Variants in GYS2 observed in about 807,000 individuals in gnomAD.
GYS2 encodes glycogen synthase 2, also known as glycogen [starch] synthase, liver.
A neutral mutation model predicts 85.6 loss-of-function variants in GYS2; 80 were observed. The ratio of observed to expected loss-of-function variants is 0.93; its 90% CI spans 0.78 to 1.13. The LOEUF is 1.13. Ranked by LOEUF, GYS2 falls within the 50% of genes most tolerant of loss-of-function variation. GYS2 has a pLI of 0.00. For missense variants in GYS2, 881 were observed against 854.9 expected (o/e 1.03, Z -0.38); for synonymous variants, 328 against 300.7 (o/e 1.09, Z -0.94).
chr12:21,569,695 A>G (rs894494797), intron 4 of GYS2, among the ~76,000 whole-genome samples: 5 of 152,244 alleles, frequency 3.3e-5, no homozygotes, highest in Non-Finnish European at 7.3e-5. Flanking sequence ...ACGCAGCTCC[A>G]TATGAAACTA....
chr12:21,593,939 G>T (rs1289876228), intron 1 of GYS2, among the ~76,000 whole-genome samples: 1 of 151,944 alleles, frequency 6.6e-6, no homozygotes, highest in African/African-American at 2.4e-5. Context: ...TTATACTAGG[G>T]TTGCAAGAAC....
intron 1 of GYS2, among the ~76,000 whole-genome samples, chr12:21,590,977 G>GA (rs1395999953): frequency 3.9e-5 from 6 of 151,954 alleles, no homozygotes; most frequent in African/African-American, 1.5e-4. Flanking sequence ...TACATCTTCA[G>GA]AAAAAAGTCT....
In GYS2 at chr12:21,562,935, G is replaced by T. The variant is rs1300914093; in HGVS notation, c.1045C>A (p.Leu349Ile). Reference sequence around the variant, plus strand: ...TTTCTTACCCTCAGCAGGAAATTTAGCCTGGATAAGGATTCTAGGAAGATG... The same window carrying T: ...TTTCTTACCCTCAGCAGGAAATTTATCCTGGATAAGGATTCTAGGAAGATG... ...ADIFLESLSR[L>I]NFLLRMHKSD... The change falls in exon 7 of 16, where the codon CTA becomes ATA. Residue 349 changes from leucine (L) to isoleucine (I), a missense_variant. Coordinates refer to ENST00000261195, the MANE Select transcript of GYS2 (RefSeq NM_021957.4). 39 of 1,610,616 alleles carry T rather than the reference G, an allele frequency of 2.4e-5. No individual in the cohort carries two copies. Among genetic ancestry groups the T allele is most frequent in the Non-Finnish European group, 3.1e-5 (36 of 1,177,102 alleles).
chr12:21,568,375 C>G (rs974005504), intron 5 of GYS2, among the ~76,000 whole-genome samples: 1 of 152,144 alleles, frequency 6.6e-6, no homozygotes, highest in African/African-American at 2.4e-5. Flanking sequence ...AGCATGAGTT[C>G]TTCACATTGC....
chr12:21,563,285 T>C lies in GYS2; in HGVS notation c.884A>G (p.Asn295Ser), dbSNP rs145848121. 26 of 1,613,196 alleles carry C rather than the reference T, an allele frequency of 1.6e-5. No individual in the cohort carries two copies. Among genetic ancestry groups the C allele is most frequent in the South Asian group, 2.2e-5 (2 of 91,066 alleles). Reference sequence around the variant, plus strand: ...TCTGGCCTTGTACATGGCATGTAGATTTTGAAACTCATGCACTGCTGAAAA... The same window carrying C: ...TCTGGCCTTGTACATGGCATGTAGACTTTGAAACTCATGCACTGCTGAAAA... ...KKFSAVHEFQ[N>S]LHAMYKARIQ... Residue 295 changes from asparagine (N) to serine (S), a missense_variant, in exon 6 of 16, where the codon AAT becomes AGT. By Grantham distance (46) the Asn-to-Ser change is conservative (BLOSUM62 1). Coordinates refer to ENST00000261195, the MANE Select transcript of GYS2 (RefSeq NM_021957.4).
intron 14 of GYS2, 111 bp from the exon 15 acceptor site, chr12:21,539,449 A>C: frequency 1.3e-6 from 1 of 745,658 alleles, no homozygotes. Flanking sequence ...GTATTTTTTA[A>C]AGTGACAGAA....
intron 11 of GYS2, among the ~76,000 whole-genome samples, chr12:21,557,782 C>T (rs1258377826): frequency 6.6e-6 from 1 of 152,034 alleles, no homozygotes; most frequent in Non-Finnish European, 1.5e-5. Flanking sequence ...GCCTGTAGTC[C>T]CAGCTACTCG....
At chr12:21,555,374 C>T (rs1301680566) in intron 11 of GYS2, among the ~76,000 whole-genome samples, 3 of 151,918 alleles carry the variant, frequency 2.0e-5, no homozygotes, top group Non-Finnish European at 4.4e-5. Context: ...TCCTGCATTC[C>T]CAGGGATGTA....
At chr12:21,556,117 A>G (rs1347395306) in intron 11 of GYS2, among the ~76,000 whole-genome samples, 1 of 152,008 alleles carries the variant, frequency 6.6e-6, no homozygotes, top group Non-Finnish European at 1.5e-5. Context: ...TTTCTCTTAA[A>G]TCTTGAAGTT....
At chr12:21,557,409 G>A (rs571793120) in intron 11 of GYS2, among the ~76,000 whole-genome samples, 3 of 152,188 alleles carry the variant, frequency 2.0e-5, no homozygotes, top group Non-Finnish European at 2.9e-5. Flanking sequence ...AGTCATTGTG[G>A]AAACTCAAGT....
Position 21,603,543 on chromosome 12 carries a change from G to A in GYS2, c.121+929C>T, listed in dbSNP as rs1944775815. On this transcript the variant is annotated intron_variant, in intron 1 of 15. Transcript: ENST00000261195. The stretch of plus-strand genomic sequence containing the variant: ...AGATTACTGTAATAGACATGAAATA[G>A]TAAACACAAAATGAAAAATAAATGT... 1.3e-5 allele frequency among the ~76,000 whole-genome samples: 2 copies of A among 152,006 alleles called. 1 individual carries two copies. The highest frequency in any genetic ancestry group is 4.1e-4 in the South Asian group (2 of 4,820).
chr12:21,542,826 A>C (rs541985336), intron 12 of GYS2, among the ~76,000 whole-genome samples: 1 of 152,332 alleles, frequency 6.6e-6, no homozygotes, highest in South Asian at 2.1e-4. Flanking sequence ...CAGAGAAATT[A>C]ATAACTTTCC....
intron 9 of GYS2, 139 bp from the exon 10 acceptor site, chr12:21,559,308 C>CATAG (rs1176430869): frequency 1.7e-6 from 1 of 589,690 alleles, no homozygotes; most frequent in Non-Finnish European, 3.0e-6. Context: ...AATGTGTTCA[C>CATAG]ATAGACTTAA....
intron 4 of GYS2, among the ~76,000 whole-genome samples, chr12:21,572,568 T>C (rs1944398872): frequency 6.6e-6 from 1 of 152,190 alleles, no homozygotes; most frequent in African/African-American, 2.4e-5. Context: ...TGTTGTCTAC[T>C]AGTCATTTTG....
At chr12:21,555,821 A>G (rs1453385088) in intron 11 of GYS2, among the ~76,000 whole-genome samples, 1 of 152,184 alleles carries the variant, frequency 6.6e-6, no homozygotes, top group Non-Finnish European at 1.5e-5. Context: ...CTTCCCTGGC[A>G]ATACTCATTT....
At chr12:21,586,846 T>G (rs573051313) in intron 1 of GYS2, among the ~76,000 whole-genome samples, 1 of 152,108 alleles carries the variant, frequency 6.6e-6, no homozygotes, top group Non-Finnish European at 1.5e-5. Flanking sequence ...GTGAAAGAGA[T>G]CATATTAAAA....
chr12:21,556,710 A>T (rs371192627), intron 11 of GYS2, among the ~76,000 whole-genome samples: 1 of 134,524 alleles, frequency 7.4e-6, no homozygotes, highest in African/African-American at 2.7e-5. Context: ...TTTGATTTTT[A>T]GGAAGCATTG....
chr12:21,591,007 T>A (rs1245796892), intron 1 of GYS2, among the ~76,000 whole-genome samples: 1 of 152,036 alleles, frequency 6.6e-6, no homozygotes, highest in Admixed American at 6.5e-5. Flanking sequence ...AAAACAAATT[T>A]ACAAAACTGG....
At chr12:21,602,426 G>A (rs942033874) in intron 1 of GYS2, among the ~76,000 whole-genome samples, 1 of 151,846 alleles carries the variant, frequency 6.6e-6, no homozygotes, top group Non-Finnish European at 1.5e-5. Context: ...ATGAAATGCA[G>A]GGAAGTAAAA....
Sources: gnomAD v4.1 joint callset for allele counts (sites outside exome capture counted in the v4.1 genomes callset) on GRCh38, gnomAD v4.1.1 for gene constraint, MANE v1.5 for transcripts, NCBI Gene and HGNC (gene_info 2026-07-23, HGNC 2026-07-21) for gene names.